Variants in SAMD12 observed in about 807,000 individuals in gnomAD.
SAMD12 encodes sterile alpha motif domain containing 12.
A neutral mutation model predicts 15.0 loss-of-function variants in SAMD12; 9 were observed. The ratio of observed to expected loss-of-function variants is 0.60; its 90% CI spans 0.36 to 1.05. SAMD12 has a LOEUF of 1.05. SAMD12 is among the 50% of genes least tolerant of loss of function. The pLI, the probability that SAMD12 is intolerant of heterozygous loss-of-function variation, is 0.01. For missense variants in SAMD12, 230 were observed against 234.2 expected (o/e 0.98, Z 0.12); for synonymous variants, 86 against 90.1 (o/e 0.96, Z 0.25).
intron 4 of SAMD12, among the ~76,000 whole-genome samples, chr8:118,221,064 T>G (rs1812073235): frequency 6.6e-6 from 1 of 152,032 alleles, no homozygotes; most frequent in Admixed American, 6.6e-5. Context: ...TAAATTAGGA[T>G]GAAAGGAGTG....
At chr8:118,255,420 T>C (rs1812913063) in intron 4 of SAMD12, among the ~76,000 whole-genome samples, 1 of 151,874 alleles carries the variant, frequency 6.6e-6, no homozygotes, top group Non-Finnish European at 1.5e-5. Context: ...TAGTTACATA[T>C]GTATACATGT....
chr8:118,240,351 T>C (rs1395956846), intron 4 of SAMD12, among the ~76,000 whole-genome samples: 1 of 152,174 alleles, frequency 6.6e-6, no homozygotes, highest in Non-Finnish European at 1.5e-5. Context: ...GTTTGTTGTT[T>C]TAAGTGGCTA....
At chr8:118,368,380 G>C (rs1401587967) in intron 4 of SAMD12, among the ~76,000 whole-genome samples, 1 of 152,154 alleles carries the variant, frequency 6.6e-6, no homozygotes, top group Admixed American at 6.6e-5. Flanking sequence ...TCTACCATTA[G>C]CCGCTGAGCT....
At position 118,532,097 on chromosome 8, in the gene SAMD12, A is replaced by C. The variant is rs1426755534; in HGVS notation, c.192+48618T>G. On this transcript the variant is annotated intron_variant, in intron 2 of 3. Coordinates refer to ENST00000314727, the MANE Select transcript of SAMD12 (RefSeq NM_207506.3). The stretch of plus-strand genomic sequence containing the variant: ...AATAGCTCTTATTATTTTGAGATAC[A>C]TCCCATCAACACCTAATTTATTGAG... Among the ~76,000 whole-genome samples, 4 of 152,196 alleles carry C rather than the reference A, an allele frequency of 2.6e-5. No individual in the cohort carries two copies. In the South Asian group the frequency reaches 8.3e-4, roughly 31 times the overall value.
At chr8:118,159,258 C>T in the SAMD12 span, among the ~76,000 whole-genome samples, 97 of 152,256 alleles carry the variant, frequency 6.4e-4, no homozygotes, top group East Asian at 0.011. Context: ...TTCCCCAGTG[C>T]GCACAGTGGA....
At chr8:118,354,500 C>A (rs1159787058) in intron 4 of SAMD12, among the ~76,000 whole-genome samples, 3 of 152,204 alleles carry the variant, frequency 2.0e-5, no homozygotes, top group Non-Finnish European at 4.4e-5. Context: ...TTTCTTCCTT[C>A]CTGAATTCTT....
At chr8:118,497,482 C>T (rs1265181873) in intron 2 of SAMD12, among the ~76,000 whole-genome samples, 2 of 152,086 alleles carry the variant, frequency 1.3e-5, no homozygotes, top group Non-Finnish European at 2.9e-5. Context: ...AACCAAATGC[C>T]TCATGTTCTC....
At chr8:118,175,101 A>G in the SAMD12 span, among the ~76,000 whole-genome samples, 1 of 152,112 alleles carries the variant, frequency 6.6e-6, no homozygotes, top group East Asian at 1.9e-4. Context: ...TTCAAACTAT[A>G]CTACAAGGCT....
At chr8:118,452,160 C>T (rs4876844) in intron 2 of SAMD12, among the ~76,000 whole-genome samples, 102,462 of 151,914 alleles carry the variant, frequency 0.67, 34,623 homozygotes, top group Middle Eastern at 0.72. Context: ...CAAACCACAT[C>T]GGCACCATGA....
intron 2 of SAMD12, among the ~76,000 whole-genome samples, chr8:118,446,244 A>AT (rs1231489924): frequency 6.7e-5 from 10 of 148,228 alleles, no homozygotes; most frequent in African/African-American, 2.2e-4. Context: ...AGACTAGAGG[A>AT]TTTTTTTCTC....
intron 2 of SAMD12, among the ~76,000 whole-genome samples, chr8:118,469,540 T>TAATA (rs1405155735): frequency 5.0e-4 from 1 of 1,982 alleles, no homozygotes; most frequent in Non-Finnish European, 1.1e-3. Flanking sequence ...ATTATATATA[T>TAATA]TATATTATTA....
At chr8:118,260,400 T>C (rs1813050029) in intron 4 of SAMD12, among the ~76,000 whole-genome samples, 1 of 152,162 alleles carries the variant, frequency 6.6e-6, no homozygotes, top group Admixed American at 6.6e-5. Flanking sequence ...TATTATGTTA[T>C]TTTGTAAATA....
At position 118,379,310 on chromosome 8, in the gene SAMD12, T is replaced by C; in HGVS notation, c.*107A>G. 1 of 1,488,276 alleles carries C rather than the reference T, an allele frequency of 6.7e-7. No homozygotes were observed. Among genetic ancestry groups the C allele is most frequent in the Non-Finnish European group, 8.9e-7 (1 of 1,123,548 alleles). 92.2% of individuals were successfully genotyped at this position (1,488,276 alleles called of 1,614,324 possible). ...AGTACACAATCCATACAACTGTACG[T>C]GACCACCTTGAAGTTAGCTCAGGTA... On this transcript the variant is annotated 3_prime_UTR_variant, in exon 4 of 4. Coordinates refer to ENST00000314727, the MANE Select transcript of SAMD12 (RefSeq NM_207506.3).
Position 118,268,979 on chromosome 8 carries a change from G to A in SAMD12, c.434-71247C>T, listed in dbSNP as rs577216721. ...TTCAGCCACCAACCCGAGTGTGAGC[G>A]TGGTAGTCTCCTGAATATAGAGAGT... On this transcript the variant is annotated intron_variant, in intron 4 of 4. Transcript: ENST00000409003. Among the ~76,000 whole-genome samples the A allele has an allele frequency of 5.7e-3, 868 of 152,246 alleles. 5 individuals are homozygous for A. The highest frequency in any genetic ancestry group is 0.01 in the Non-Finnish European group (692 of 68,016).
At chr8:118,249,513 A>G (rs1812772113) in intron 4 of SAMD12, among the ~76,000 whole-genome samples, 1 of 152,182 alleles carries the variant, frequency 6.6e-6, no homozygotes, top group Non-Finnish European at 1.5e-5. Flanking sequence ...ACAGATGCAG[A>G]ACCCACGGAT....
chr8:118,589,736 C>A (rs1827533799), intron 1 of SAMD12, among the ~76,000 whole-genome samples: 1 of 152,158 alleles, frequency 6.6e-6, no homozygotes, highest in Admixed American at 6.6e-5. Flanking sequence ...TATGATACTA[C>A]AGAAAGAGAT....
chr8:118,348,770 C>A (rs949548647), intron 4 of SAMD12, among the ~76,000 whole-genome samples: 1 of 152,212 alleles, frequency 6.6e-6, no homozygotes, highest in African/African-American at 2.4e-5. Context: ...GCACAGACAA[C>A]AATCCTGTGG....
chr8:118,447,070 C>T (rs1021962982), intron 2 of SAMD12, among the ~76,000 whole-genome samples: 1 of 152,162 alleles, frequency 6.6e-6, no homozygotes, highest in Non-Finnish European at 1.5e-5. Flanking sequence ...GGAGGCCCTG[C>T]ATCCTGGATT....
At chr8:118,296,270 T>C (rs1469197504) in intron 4 of SAMD12, among the ~76,000 whole-genome samples, 2 of 152,216 alleles carry the variant, frequency 1.3e-5, no homozygotes, top group African/African-American at 4.8e-5. Context: ...CTCTCTGTGA[T>C]GCCCTACACT....
Sources: allele counts gnomAD v4.1 joint callset (sites outside exome capture counted in the v4.1 genomes callset), GRCh38; gene constraint gnomAD v4.1.1; transcripts MANE v1.5; gene names NCBI Gene and HGNC (gene_info 2026-07-23, HGNC 2026-07-21).